Variants in URI1 observed in about 807,000 individuals in gnomAD.
URI1 encodes unconventional prefoldin RPB5 interactor 1.
In URI1, 39 loss-of-function variants were observed where a neutral mutation model predicts 60.2. The ratio of observed to expected loss-of-function variants is 0.65; its 90% CI spans 0.50 to 0.85. The LOEUF (loss-of-function observed/expected upper bound fraction) is 0.85, where lower values mean the gene tolerates loss of function less well. Ranked by LOEUF, URI1 falls within the 40% of genes least tolerant of loss-of-function variation. URI1 has a pLI of 0.00. For missense variants in URI1, 691 were observed against 665.9 expected (o/e 1.04, Z -0.42); for synonymous variants, 251 against 236.8 (o/e 1.06, Z -0.55).
intron 1 of URI1, among the ~76,000 whole-genome samples, chr19:29,947,469 T>G (rs1448033517): frequency 2.6e-5 from 4 of 152,258 alleles, no homozygotes; most frequent in Non-Finnish European, 5.9e-5. Flanking sequence ...TTATACCAGT[T>G]TACCGCTTGC....
intron 2 of URI1, among the ~76,000 whole-genome samples, chr19:29,972,388 G>A (rs1033873671): frequency 1.3e-5 from 2 of 152,076 alleles, no homozygotes; most frequent in African/African-American, 4.8e-5. Flanking sequence ...TGAAATACAA[G>A]TCGTTGGCCA....
chr19:29,965,657 C>A (rs548285790), intron 1 of URI1, among the ~76,000 whole-genome samples: 1 of 152,278 alleles, frequency 6.6e-6, no homozygotes, highest in East Asian at 1.9e-4. Context: ...CAAGTCACCC[C>A]CAAAACCCTC....
At chr19:29,949,781 G>T (rs1239805895) in intron 1 of URI1, among the ~76,000 whole-genome samples, 2 of 152,146 alleles carry the variant, frequency 1.3e-5, no homozygotes, top group African/African-American at 4.8e-5. Context: ...GTGGCGGCGC[G>T]CGCCTGCAAT....
At chr19:29,997,250 C>A (rs1481839166) in intron 4 of URI1, among the ~76,000 whole-genome samples, 1 of 152,124 alleles carries the variant, frequency 6.6e-6, no homozygotes, top group African/African-American at 2.4e-5. Context: ...CTACTTGTTA[C>A]AAGTCTATTC....
rs138538752 is a variant in URI1, at chr19:29,934,178, C to T, written c.63+10424C>T. On this transcript the variant is annotated intron_variant, in intron 1 of 10. Coordinates refer to the URI1 transcript ENST00000360605. ...CTTGAACTTCTGACCTTAGGTGATCCACCTGCCTTGGCCTCACAAATTGCT... is the reference window on the plus strand; with the variant it reads ...CTTGAACTTCTGACCTTAGGTGATCTACCTGCCTTGGCCTCACAAATTGCT... Among the ~76,000 whole-genome samples the T allele has an allele frequency of 4.8e-3, 732 of 152,160 alleles. 8 individuals are homozygous for T. Among genetic ancestry groups the T allele is most frequent in the African/African-American group, 0.017 (695 of 41,528 alleles).
intron 7 of URI1, among the ~76,000 whole-genome samples, chr19:30,008,564 T>C (rs905111388): frequency 6.6e-6 from 1 of 152,100 alleles, no homozygotes; most frequent in Non-Finnish European, 1.5e-5. Context: ...CGTGTGCATA[T>C]GTATAAATCC....
At chr19:29,974,823 A>C (rs1272026394) in intron 2 of URI1, among the ~76,000 whole-genome samples, 2 of 152,172 alleles carry the variant, frequency 1.3e-5, no homozygotes, top group African/African-American at 2.4e-5. Flanking sequence ...CCCACTTATA[A>C]GTGAGAATAT....
At chr19:29,938,608 T>TG (rs569893878), upstream of URI1, among the ~76,000 whole-genome samples, 142 of 152,150 alleles carry the variant, frequency 9.3e-4, no homozygotes, top group Non-Finnish European at 1.5e-3. Flanking sequence ...CCATTCCCAG[T>TG]GGGGGGCCTG....
At chr19:29,935,762 C>CCTTTTCTTTTCTTTT (rs3049083) in intron 1 of URI1, among the ~76,000 whole-genome samples, 8 of 141,158 alleles carry the variant, frequency 5.7e-5, no homozygotes, top group African/African-American at 2.1e-4. Flanking sequence ...GCCTCTGGTT[C>CCTTTTCTTTTCTTTT]CTTTTCTTTT....
intron 1 of URI1, among the ~76,000 whole-genome samples, chr19:29,953,990 T>A (rs2055211452): frequency 6.6e-6 from 1 of 152,114 alleles, no homozygotes; most frequent in African/African-American, 2.4e-5. Context: ...TAAAACTGGG[T>A]TCAATGGACC....
Position 30,011,185 on chromosome 19 carries a change from G to A in URI1, c.1127G>A (p.Gly376Asp), listed in dbSNP as rs759185458. The change falls in exon 9 of 11, where the codon GGC (glycine) becomes GAC (aspartate). Residue 376 changes from glycine (G) to aspartate (D), a missense_variant. Physicochemically the swap from Gly to Asp is moderately conservative, Grantham distance 94 (BLOSUM62 -1). Transcript: ENST00000392271. ...KRKRKNSTGS[G>D]HSAQELPTIR... is the part of the protein sequence containing the mutation. Reference sequence around the variant, plus strand: ...AAACGAAAGAACAGCACTGGCAGTGGCCACTCTGCCCAGGAGCTGCCGACC... The same window carrying A: ...AAACGAAAGAACAGCACTGGCAGTGACCACTCTGCCCAGGAGCTGCCGACC... 1 of 1,612,144 alleles carries A rather than the reference G, an allele frequency of 6.2e-7. No homozygotes were observed. The highest frequency in any genetic ancestry group is 1.7e-5 in the Admixed American group (1 of 59,588).
rs140062233 is a variant in URI1 at position 29,997,844 on chromosome 19, A to G, written c.368-7517A>G. The stretch of plus-strand genomic sequence containing the variant: ...CAGTGGTGCAATATCGGCTCACTGT[A>G]ACTTCCATCTCCCGCGTTGAAGGGA... On this transcript the variant is annotated intron_variant, in intron 4 of 10. Transcript: ENST00000392271. Among the ~76,000 whole-genome samples the G allele has an allele frequency of 3.2e-3, 481 of 152,198 alleles. 1 individual carries two copies. Among genetic ancestry groups the G allele is most frequent in the African/African-American group, 0.011 (468 of 41,514 alleles).
At chr19:29,994,193 T>C (rs765861799) in intron 4 of URI1, among the ~76,000 whole-genome samples, 1 of 152,202 alleles carries the variant, frequency 6.6e-6, no homozygotes, top group Non-Finnish European at 1.5e-5. Context: ...ACAGACTGAC[T>C]ACACCTTTGC....
intron 4 of URI1, among the ~76,000 whole-genome samples, chr19:29,989,576 C>G (rs1004025901): frequency 3.3e-5 from 5 of 151,624 alleles, no homozygotes; most frequent in African/African-American, 1.2e-4. Context: ...GTGCGTACCA[C>G]CACGCCCGGC....
chr19:29,952,374 G>A (rs1347860798), intron 1 of URI1, among the ~76,000 whole-genome samples: 1 of 152,166 alleles, frequency 6.6e-6, no homozygotes, highest in Non-Finnish European at 1.5e-5. Context: ...CTGACTGGAT[G>A]GGAATATCCT....
At chr19:29,979,114 G>A (rs981506889) in intron 2 of URI1, among the ~76,000 whole-genome samples, 4 of 152,154 alleles carry the variant, frequency 2.6e-5, no homozygotes, top group African/African-American at 9.6e-5. Context: ...AATATAGAAA[G>A]TGTAAAGTAG....
intron 1 of URI1, among the ~76,000 whole-genome samples, chr19:29,952,337 C>G (rs1224506916): frequency 3.3e-5 from 5 of 152,202 alleles, no homozygotes; most frequent in Non-Finnish European, 7.3e-5. Flanking sequence ...CAGGTTCTTG[C>G]ATCATGAAGT....
At chr19:29,948,966 C>CT (rs2055137714) in intron 1 of URI1, among the ~76,000 whole-genome samples, 1 of 146,968 alleles carries the variant, frequency 6.8e-6, no homozygotes, top group Non-Finnish European at 1.5e-5. Context: ...CGGGCGGAGG[C>CT]GCCCCCCACC....
chr19:30,012,223 A>G, intron 9 of URI1, 62 bp from the exon 10 acceptor site: 2 of 1,497,706 alleles, frequency 1.3e-6, no homozygotes, highest in Non-Finnish European at 1.8e-6. Flanking sequence ...AAATTTTCAA[A>G]AAGTTGTTCT....
Sources: allele counts gnomAD v4.1 joint callset (sites outside exome capture counted in the v4.1 genomes callset), GRCh38; gene constraint gnomAD v4.1.1; transcripts MANE v1.5; gene names NCBI Gene and HGNC (gene_info 2026-07-23, HGNC 2026-07-21).